Variants in SREBF1 observed in about 807,000 individuals in gnomAD.
SREBF1 encodes sterol regulatory element binding transcription factor 1, also known as sterol regulatory element-binding protein 1.
SREBF1 carries 45 observed loss-of-function variants against 100.1 expected under a neutral mutation model. The observed-to-expected ratio is 0.45, with a 90% confidence interval of 0.35 to 0.58. The LOEUF is 0.58. Among genes scored for constraint, SREBF1 ranks in the 20% least tolerant of loss-of-function variants. The probability of loss-of-function intolerance (pLI) is 0.00; values close to 1 mark genes in which losing one functional copy is unlikely to be tolerated. For missense variants in SREBF1, 1,324 were observed against 1,539.4 expected, an observed-to-expected ratio of 0.86 and a Z score of 2.34; for synonymous variants, 657 against 681.8, an observed-to-expected ratio of 0.96 and a Z score of 0.57.
rs766894230 is a variant in SREBF1 at position 17,820,421 on chromosome 17, G to A, written c.192C>T (p.Pro64=). The A allele has an allele frequency of 8.0e-5, 129 of 1,613,336 alleles. No homozygotes were observed. Among genetic ancestry groups the A allele is most frequent in the Middle Eastern group, 1.7e-4 (1 of 6,060 alleles). ...ACAAGCTGCCTGGGGAGCTGGTATC[G>A]GGGCTGGCAGGGTCTGTGCCCCCTG... The part of the protein sequence containing the change: ...SGAGGTDPAS[P]DTSSPGSLSP... The change falls in exon 2 of 19, where the codon CCC becomes CCT. Residue 64 remains proline (P), a synonymous_variant. Transcript: ENST00000261646.
Position 17,817,121 on chromosome 17 carries a change from G to C in SREBF1, c.1622C>G (p.Ala541Gly). The change falls in exon 9 of 19, where the codon GCC becomes GGC. Residue 541 changes from alanine to glycine, a missense_variant. Transcript: ENST00000261646. This position sits in a 1 kb window ranked among gnomAD's most constrained non-coding sequence, Gnocchi z 6.6. The stretch of plus-strand genomic sequence containing the variant: ...GACCACTGGGGGCAGCAGCCACTGG[G>C]CCCAGCCAGGGCCATCTATGGACAG... ...GTESRDGPGW[A>G]QWLLPPVVWL... 6.2e-7 allele frequency: 1 copy of C among 1,613,158 alleles called. No homozygotes were observed. The highest frequency in any genetic ancestry group is 8.5e-7 in the Non-Finnish European group (1 of 1,179,916).
At chr17:17,834,747 G>A (rs2035122658) in intron 1 of SREBF1, among the ~76,000 whole-genome samples, 1 of 152,182 alleles carries the variant, frequency 6.6e-6, no homozygotes, top group Non-Finnish European at 1.5e-5. Flanking sequence ...GGGAGCGGTG[G>A]CTCACACCTG....
At chr17:17,821,228 G>A (rs1468752101) in intron 1 of SREBF1, among the ~76,000 whole-genome samples, 1 of 151,942 alleles carries the variant, frequency 6.6e-6, no homozygotes, top group African/African-American at 2.4e-5. Flanking sequence ...CCCATGAGGT[G>A]ACCAACCCTT....
In SREBF1 at chr17:17,813,550, AG is replaced by A; in HGVS notation, c.3102+18del. ...CTGCCTGACTCCCCGTCTTGAGGAC[AG>A]GGCCATCGGGCACTCACCCTCCGCA... On this transcript the variant is annotated intron_variant, in intron 17 of 18. Coordinates refer to ENST00000261646, the MANE Select transcript of SREBF1 (RefSeq NM_004176.5). 1 of 1,594,456 alleles carries A rather than the reference AG, an allele frequency of 6.3e-7. No individual in the cohort carries two copies. Among genetic ancestry groups the A allele is most frequent in the Non-Finnish European group, 8.5e-7 (1 of 1,171,984 alleles).
chr17:17,815,178 C>T (rs747376487), intron 13 of SREBF1, 43 bp downstream of exon 13: 22 of 1,574,486 alleles, frequency 1.4e-5, no homozygotes, highest in African/African-American at 1.3e-5. Flanking sequence ...CTCAGAATCC[C>T]GCCGGAGGGG....
chr17:17,820,418 A>T lies in SREBF1; in HGVS notation c.195T>A (p.Asp65Glu). 1.9e-6 allele frequency: 3 copies of T among 1,613,442 alleles called. No individual in the cohort carries two copies. Among genetic ancestry groups the T allele is most frequent in the East Asian group, 2.2e-5 (1 of 44,862 alleles). ...GAGGTDPASPDTSSPGSLSPP... is the reference protein window; with the variant it reads ...GAGGTDPASPETSSPGSLSPP... ...GAGACAAGCTGCCTGGGGAGCTGGT[A>T]TCGGGGCTGGCAGGGTCTGTGCCCC... Residue 65 changes from aspartate to glutamate, a missense_variant, in exon 2 of 19, where the codon GAT becomes GAA. Physicochemically the swap from Asp to Glu is conservative, Grantham distance 45. Coordinates refer to ENST00000261646, the MANE Select transcript of SREBF1 (RefSeq NM_004176.5).
chr17:17,815,183 G>A (rs773284975), intron 13 of SREBF1, 38 bp downstream of exon 13: 1 of 1,579,766 alleles, frequency 6.3e-7, no homozygotes. Context: ...AATCCCGCCG[G>A]AGGGGCCTTG....
At position 17,819,645 on chromosome 17, in the gene SREBF1, G is replaced by T; in HGVS notation, c.604C>A (p.His202Asn). Reference sequence around the variant, plus strand: ...GGGACCACACTCTGGACCTGGGTGTGCAAGGAGACGGGCGGGACCCCTGGC... The same window carrying T: ...GGGACCACACTCTGGACCTGGGTGTTCAAGGAGACGGGCGGGACCCCTGGC... ...SPPGVPPVSL[H>N]TQVQSVVPQQ... Residue 202 changes from histidine to asparagine, a missense_variant, in exon 3 of 19, where the codon CAC becomes AAC. His to Asn is a moderately conservative substitution (Grantham distance 68). Coordinates refer to ENST00000261646, the MANE Select transcript of SREBF1 (RefSeq NM_004176.5). 1 of 1,612,542 alleles carries T rather than the reference G, an allele frequency of 6.2e-7. No individual in the cohort carries two copies.
rs138979097 is a variant in SREBF1 at position 17,817,749 on chromosome 17, C to T, written c.1351G>A (p.Gly451Ser). ...GGCTCCGAGTCACTGCCACTGCCAC[C>T]GCTGCCACTGCCCCTGCTGCCAAGG... ...LSLGSRGSGS[G>S]GSGSDSEPDS... Residue 451 changes from glycine (G) to serine (S), a missense_variant, in exon 7 of 19, where the codon GGT becomes AGT. By Grantham distance (56) the Gly-to-Ser change is moderately conservative. Transcript: ENST00000261646. The surrounding 1 kb of genome is among the most constrained non-coding windows in gnomAD (Gnocchi z 6.6). 2.0e-5 allele frequency: 32 copies of T among 1,613,616 alleles called. No individual in the cohort carries two copies. Among genetic ancestry groups the T allele is most frequent in the African/African-American group, 1.6e-4 (12 of 74,988 alleles).
chr17:17,813,551 G>T lies in SREBF1; in HGVS notation c.3102+18C>A. On this transcript the variant is annotated intron_variant, in intron 17 of 18. Coordinates refer to ENST00000261646, the MANE Select transcript of SREBF1 (RefSeq NM_004176.5). Reference sequence around the variant, plus strand: ...TGCCTGACTCCCCGTCTTGAGGACAGGGCCATCGGGCACTCACCCTCCGCA... The same window carrying T: ...TGCCTGACTCCCCGTCTTGAGGACATGGCCATCGGGCACTCACCCTCCGCA... The T allele has an allele frequency of 6.3e-7, 1 of 1,593,828 alleles. No homozygotes were observed. Among genetic ancestry groups the T allele is most frequent in the Non-Finnish European group, 8.5e-7 (1 of 1,171,922 alleles).
chr17:17,819,438 T>C lies in SREBF1; in HGVS notation c.728A>G (p.His243Arg), dbSNP rs1204747945. 6.2e-7 allele frequency: 1 copy of C among 1,613,780 alleles called. No individual in the cohort carries two copies. Among genetic ancestry groups the C allele is most frequent in the Non-Finnish European group, 8.5e-7 (1 of 1,180,026 alleles). The change falls in exon 4 of 19, where the codon CAC (histidine) becomes CGC (arginine). Residue 243 changes from histidine to arginine, a missense_variant. By Grantham distance (29) the His-to-Arg change is conservative. Coordinates refer to ENST00000261646, the MANE Select transcript of SREBF1 (RefSeq NM_004176.5). ...IQQVPVLLQP[H>R]FIKADSLLLT... The stretch of plus-strand genomic sequence containing the variant: ...AAGCAGCGAGTCTGCCTTGATGAAG[T>C]GGGGCTGCAGCAGGACCTGAGGGTG...
chr17:17,811,925 C>T lies in SREBF1; in HGVS notation c.*697G>A. 2.2e-6 allele frequency: 1 copy of T among 446,942 alleles called. No individual in the cohort carries two copies. The highest frequency in any genetic ancestry group is 2.5e-5 in the Admixed American group (1 of 39,798). The allele number at this position is 446,942 out of a possible 1,614,324, so 27.7% of individuals were successfully genotyped here. A position where few individuals can be genotyped will look rare whatever the true frequency, so the allele number is the denominator to read the frequency against. On this transcript the variant is annotated 3_prime_UTR_variant, in exon 19 of 19. Transcript: ENST00000261646. Reference sequence around the variant, plus strand: ...CATACAGCCAGCCCTCCCCACTCCTCCCACTAACAAACAAACATCGGGAAG... The same window carrying T: ...CATACAGCCAGCCCTCCCCACTCCTTCCACTAACAAACAAACATCGGGAAG...
At position 17,820,537 on chromosome 17, in the gene SREBF1, G is replaced by A; in HGVS notation, c.92-16C>T. On this transcript the variant is annotated splice_polypyrimidine_tract_variant and intron_variant, in intron 1 of 18. Coordinates refer to ENST00000261646, the MANE Select transcript of SREBF1 (RefSeq NM_004176.5). ...TGAAGCATGTCTGTGAAAAGGAGAA[G>A]AGGGTGCGTGAGTGAGGCAGAGACT... 1 of 1,612,696 alleles carries A rather than the reference G, an allele frequency of 6.2e-7. No individual in the cohort carries two copies. The highest frequency in any genetic ancestry group is 1.1e-5 in the South Asian group (1 of 90,978).
Position 17,817,205 on chromosome 17 carries a change from G to T in SREBF1, c.1606+51C>A, listed in dbSNP as rs1260767488. On this transcript the variant is annotated intron_variant, in intron 8 of 18. Coordinates refer to ENST00000261646, the MANE Select transcript of SREBF1 (RefSeq NM_004176.5). This position sits in a 1 kb window ranked among gnomAD's most constrained non-coding sequence, Gnocchi z 6.6. Reference sequence around the variant, plus strand: ...CAGAGCCCCAAGTTCACAAGCCTGGGGGCTCACCCCGAGTGTCCCTCCCAA... The same window carrying T: ...CAGAGCCCCAAGTTCACAAGCCTGGTGGCTCACCCCGAGTGTCCCTCCCAA... 6.2e-7 allele frequency: 1 copy of T among 1,610,932 alleles called. No individual in the cohort carries two copies. The highest frequency in any genetic ancestry group is 2.2e-5 in the East Asian group (1 of 44,782).
chr17:17,814,580 C>G, intron 15 of SREBF1, 35 bp downstream of exon 15: 2 of 1,536,988 alleles, frequency 1.3e-6, no homozygotes, highest in Non-Finnish European at 1.7e-6. Context: ...AGGCTGAGCC[C>G]GGGACCAGGC....
At chr17:17,823,055 G>A (rs2034212714) in intron 1 of SREBF1, among the ~76,000 whole-genome samples, 1 of 152,244 alleles carries the variant, frequency 6.6e-6, no homozygotes, top group African/African-American at 2.4e-5. Context: ...TCGATAGATG[G>A]GGGAAACTGA....
Position 17,812,111 on chromosome 17 carries a change from A to T in SREBF1, c.*511T>A. The stretch of plus-strand genomic sequence containing the variant: ...ATTTCATTTTTAATTCTCTGTACAA[A>T]ACTTCTCAATCTATGAAAATAAAGT... On this transcript the variant is annotated 3_prime_UTR_variant, in exon 19 of 19. Coordinates refer to ENST00000261646, the MANE Select transcript of SREBF1 (RefSeq NM_004176.5). 2 of 427,192 alleles carry T rather than the reference A, an allele frequency of 4.7e-6. No individual in the cohort carries two copies. 26.5% of individuals were successfully genotyped at this position (427,192 alleles called of 1,614,324 possible). A position where few individuals can be genotyped will look rare whatever the true frequency, so the allele number is the denominator to read the frequency against.
chr17:17,823,654 GCCCGCCCCGC>G lies in SREBF1; in HGVS notation c.92-3143_92-3134del, dbSNP rs967139896. Reference sequence around the variant, plus strand: ...TTGAAGCCGTTGAGCGCTGCGGCGCGCCCGCCCCGCCCCGCCCCGCCCCCAGCCCCGCCCC... The same window carrying G: ...TTGAAGCCGTTGAGCGCTGCGGCGCGCCCGCCCCGCCCCCAGCCCCGCCCC... On this transcript the variant is annotated intron_variant, in intron 1 of 18. Coordinates refer to ENST00000261646, the MANE Select transcript of SREBF1 (RefSeq NM_004176.5). 4,350 of 1,381,510 alleles carry G rather than the reference GCCCGCCCCGC, an allele frequency of 3.1e-3. 125 individuals are homozygous for G. The East Asian group carries it at 0.075, about 24-fold the overall frequency. 85.6% of individuals were successfully genotyped at this position (1,381,510 alleles called of 1,614,324 possible).
chr17:17,823,956 C>T (rs916212605), intron 1 of SREBF1, among the ~76,000 whole-genome samples: 65 of 152,098 alleles, frequency 4.3e-4, no homozygotes, highest in African/African-American at 1.5e-3. Flanking sequence ...GCCCTCAGCT[C>T]CCGCCCCCTT....
Sources: allele counts gnomAD v4.1 joint callset (sites outside exome capture counted in the v4.1 genomes callset), GRCh38; gene constraint gnomAD v4.1.1; non-coding constraint Gnocchi (gnomAD v3.1); transcripts MANE v1.5; gene names NCBI Gene and HGNC (gene_info 2026-07-23, HGNC 2026-07-21).